Variants in CCDC91 observed in about 807,000 individuals in gnomAD.
CCDC91 encodes the protein coiled-coil domain-containing protein 91.
A neutral mutation model predicts 63.2 loss-of-function variants in CCDC91; 48 were observed. That is an observed-to-expected ratio of 0.76 (90% CI 0.60 to 0.97). The LOEUF (loss-of-function observed/expected upper bound fraction) is 0.97, where lower values mean the gene tolerates loss of function less well. CCDC91 is among the 50% of genes least tolerant of loss of function. The pLI is 0.00. For missense variants in CCDC91, 500 were observed against 494.6 expected, an observed-to-expected ratio of 1.01 and a Z score of -0.10; for synonymous variants, 167 against 165.8, an observed-to-expected ratio of 1.01 and a Z score of -0.06.
intron 12 of CCDC91, among the ~76,000 whole-genome samples, chr12:28,544,683 G>C (rs867623840): frequency 6.6e-6 from 1 of 151,936 alleles, no homozygotes; most frequent in East Asian, 1.9e-4. Flanking sequence ...GATGTGAACA[G>C]TCTTCTTAAT....
chr12:28,316,029 G>A (rs2137280891), intron 6 of CCDC91, among the ~76,000 whole-genome samples: 1 of 151,838 alleles, frequency 6.6e-6, no homozygotes, highest in East Asian at 1.9e-4. Flanking sequence ...ATAAAACATT[G>A]CTGTCAAAGT....
chr12:28,319,004 T>A (rs1940201284), intron 6 of CCDC91, among the ~76,000 whole-genome samples: 1 of 151,936 alleles, frequency 6.6e-6, no homozygotes, highest in African/African-American at 2.4e-5. Context: ...TAAATTATAT[T>A]TTAATACCAC....
At chr12:28,462,588 T>C (rs770684414) in intron 11 of CCDC91, among the ~76,000 whole-genome samples, 4 of 152,088 alleles carry the variant, frequency 2.6e-5, no homozygotes, top group East Asian at 1.9e-4. Flanking sequence ...TACTGTTAAG[T>C]AGATTTTCTT....
intron 1 of CCDC91, among the ~76,000 whole-genome samples, chr12:28,247,034 A>T (rs1273851023): frequency 6.6e-6 from 1 of 152,224 alleles, no homozygotes; most frequent in African/African-American, 2.4e-5. Flanking sequence ...CATTTGACAT[A>T]TGAGGACACT....
chr12:28,228,650 T>C (rs1453626879), intron 1 of CCDC91, among the ~76,000 whole-genome samples: 1 of 152,134 alleles, frequency 6.6e-6, no homozygotes, highest in African/African-American at 2.4e-5. Flanking sequence ...TTAACTTTCA[T>C]TTGTCTGTTC....
At chr12:28,304,375 TAAAAAAA>T (rs777296414) in intron 3 of CCDC91, among the ~76,000 whole-genome samples, 33 of 73,598 alleles carry the variant, frequency 4.5e-4, no homozygotes, top group East Asian at 3.7e-4. Flanking sequence ...AGACTCCGTC[TAAAAAAA>T]AAAAAAAAAA....
At chr12:28,233,346 T>A (rs1230804596) in intron 1 of CCDC91, among the ~76,000 whole-genome samples, 1 of 152,182 alleles carries the variant, frequency 6.6e-6, no homozygotes, top group African/African-American at 2.4e-5. Flanking sequence ...TTTTATAACA[T>A]GTATTCTCTA....
At chr12:28,305,401 A>T (rs1163915294) in intron 3 of CCDC91, among the ~76,000 whole-genome samples, 2 of 152,082 alleles carry the variant, frequency 1.3e-5, no homozygotes, top group African/African-American at 4.8e-5. Context: ...CTAAGACTTT[A>T]TAAAACTATT....
intron 7 of CCDC91, among the ~76,000 whole-genome samples, chr12:28,387,073 G>A (rs760849831): frequency 2.6e-5 from 4 of 152,086 alleles, no homozygotes; most frequent in African/African-American, 4.8e-5. Flanking sequence ...AGGAATCTCT[G>A]TGTATTATGA....
chr12:28,193,322 G>C (rs1941431780), intron 1 of CCDC91, among the ~76,000 whole-genome samples: 1 of 152,192 alleles, frequency 6.6e-6, no homozygotes, highest in Non-Finnish European at 1.5e-5. Context: ...GAAATTACCA[G>C]CTGGGCGCAG....
chr12:28,503,682 A>G (rs889934558), intron 12 of CCDC91, among the ~76,000 whole-genome samples: 1 of 152,198 alleles, frequency 6.6e-6, no homozygotes, highest in Non-Finnish European at 1.5e-5. Flanking sequence ...CTTGGAACCA[A>G]CCCAAATGTC....
intron 8 of CCDC91, among the ~76,000 whole-genome samples, chr12:28,435,927 T>G (rs556383597): frequency 1.3e-5 from 2 of 151,952 alleles, no homozygotes; most frequent in South Asian, 2.1e-4. Flanking sequence ...TAGTCTGTCT[T>G]TCTTTTAGTG....
chr12:28,306,763 C>T lies in CCDC91; in HGVS notation c.289C>T (p.His97Tyr), dbSNP rs746434668. The change falls in exon 5 of 13, where the codon CAT becomes TAT. Residue 97 changes from histidine (H) to tyrosine (Y), a missense_variant. His to Tyr is a moderately conservative substitution (Grantham distance 83). Coordinates refer to ENST00000536442, the MANE Select transcript of CCDC91 (RefSeq NM_018318.5). ...KAQIQQSTHT[H>Y]LDISLFPLGL... Reference sequence around the variant, plus strand: ...TTAGATTCAGCAATCAACACACACTCATCTGGATATCTCACTTTTTCCATT... The same window carrying T: ...TTAGATTCAGCAATCAACACACACTTATCTGGATATCTCACTTTTTCCATT... The T allele has an allele frequency of 3.1e-6, 5 of 1,610,188 alleles. No individual in the cohort carries two copies. The highest frequency in any genetic ancestry group is 3.3e-5 in the Admixed American group (2 of 59,850).
At chr12:28,435,493 T>C (rs1372972057) in intron 8 of CCDC91, among the ~76,000 whole-genome samples, 1 of 151,842 alleles carries the variant, frequency 6.6e-6, no homozygotes, top group Non-Finnish European at 1.5e-5. Context: ...TGATTTCTAT[T>C]CTTTTAAATT....
chr12:28,335,884 T>C (rs1565816602), intron 6 of CCDC91, among the ~76,000 whole-genome samples: 1 of 151,904 alleles, frequency 6.6e-6, no homozygotes, highest in Non-Finnish European at 1.5e-5. Flanking sequence ...TGAGTGCCAG[T>C]TCTTAAACTG....
chr12:28,412,415 G>A (rs1473866014), intron 8 of CCDC91, among the ~76,000 whole-genome samples: 1 of 152,188 alleles, frequency 6.6e-6, no homozygotes, highest in African/African-American at 2.4e-5. Context: ...AAAGCTCTCT[G>A]CCTAAAAGTA....
intron 12 of CCDC91, among the ~76,000 whole-genome samples, chr12:28,486,494 T>C (rs539463158): frequency 6.8e-4 from 103 of 152,276 alleles, no homozygotes; most frequent in South Asian, 2.9e-3. Flanking sequence ...GCAAACTCAT[T>C]CATAAGATTA....
At chr12:28,408,857 G>A (rs1947137324) in intron 8 of CCDC91, among the ~76,000 whole-genome samples, 1 of 152,052 alleles carries the variant, frequency 6.6e-6, no homozygotes, top group Non-Finnish European at 1.5e-5. Flanking sequence ...TGGCCAGGCT[G>A]CTCTCGAACT....
At chr12:28,200,625 A>C (rs1215781180) in intron 1 of CCDC91, among the ~76,000 whole-genome samples, 4 of 150,800 alleles carry the variant, frequency 2.7e-5, no homozygotes. Flanking sequence ...CAACAGGATA[A>C]GAATTTTTCT....
Sources: gnomAD v4.1 joint callset for allele counts (sites outside exome capture counted in the v4.1 genomes callset) on GRCh38, gnomAD v4.1.1 for gene constraint, MANE v1.5 for transcripts, NCBI Gene and HGNC (gene_info 2026-07-23, HGNC 2026-07-21) for gene names.